The following GRIA1 variants were observed in gnomAD, a reference collection of about 807,000 sequenced individuals.
The protein encoded by GRIA1 is glutamate receptor 1.
Under a neutral mutation model 99.2 loss-of-function variants are expected in GRIA1, and 31 were observed. The observed-to-expected ratio is 0.31, with a 90% CI of 0.23 to 0.42. GRIA1 has a LOEUF of 0.42. GRIA1 is among the 10% of genes least tolerant of loss of function. GRIA1 has a pLI of 1.00. For synonymous variants in GRIA1, 438 were observed against 432.4 expected (o/e 1.01, Z -0.16); for missense variants, 782 against 1,157.5 (o/e 0.68, Z 4.71).
At chr5:153,524,060 G>C (rs1757390855) in intron 2 of GRIA1, among the ~76,000 whole-genome samples, 1 of 152,314 alleles carries the variant, frequency 6.6e-6, no homozygotes, top group African/African-American at 2.4e-5. Context: ...AGGCGCAGTG[G>C]CTCACGCCTG....
chr5:153,588,912 C>T (rs939969323), intron 2 of GRIA1, among the ~76,000 whole-genome samples: 4 of 152,014 alleles, frequency 2.6e-5, no homozygotes, highest in African/African-American at 7.3e-5. Context: ...ATTGCATTTG[C>T]TTCATAACAC....
chr5:153,768,632 C>A (rs560770023), intron 12 of GRIA1, among the ~76,000 whole-genome samples: 58 of 152,204 alleles, frequency 3.8e-4, no homozygotes, highest in African/African-American at 1.4e-3. Flanking sequence ...TCAGCTGACT[C>A]AAATGACAAT....
chr5:153,686,993 A>C (rs1207946608), intron 8 of GRIA1, among the ~76,000 whole-genome samples: 1 of 151,888 alleles, frequency 6.6e-6, no homozygotes, highest in Non-Finnish European at 1.5e-5. Flanking sequence ...GTTCTTTCTC[A>C]TCATTGAGCC....
At chr5:153,793,082 A>G (rs1160092511) in intron 13 of GRIA1, among the ~76,000 whole-genome samples, 1 of 152,236 alleles carries the variant, frequency 6.6e-6, no homozygotes, top group Non-Finnish European at 1.5e-5. Context: ...AGCTGCTGTG[A>G]GTCAAAAGTG....
At chr5:153,529,749 T>C (rs908151781) in intron 2 of GRIA1, among the ~76,000 whole-genome samples, 20 of 152,136 alleles carry the variant, frequency 1.3e-4, no homozygotes, top group African/African-American at 4.8e-4. Context: ...GGTAAATGGA[T>C]ATCCTGAGGC....
At chr5:153,773,267 G>A (rs1764000354) in intron 13 of GRIA1, among the ~76,000 whole-genome samples, 1 of 152,238 alleles carries the variant, frequency 6.6e-6, no homozygotes, top group Non-Finnish European at 1.5e-5. Context: ...TAAGGTAGAA[G>A]CCAGATTTCA....
intron 13 of GRIA1, among the ~76,000 whole-genome samples, chr5:153,789,688 A>G (rs985793429): frequency 1.3e-5 from 2 of 152,186 alleles, no homozygotes; most frequent in East Asian, 1.9e-4. Context: ...TAGGTAAGTT[A>G]GAGCTAACGA....
At chr5:153,613,468 T>C (rs1163787206) in intron 2 of GRIA1, among the ~76,000 whole-genome samples, 1 of 152,198 alleles carries the variant, frequency 6.6e-6, no homozygotes, top group African/African-American at 2.4e-5. Flanking sequence ...ATGTAATAGG[T>C]ACTGGGTCTG....
chr5:153,724,003 G>A (rs1760299223), intron 11 of GRIA1, among the ~76,000 whole-genome samples: 1 of 152,162 alleles, frequency 6.6e-6, no homozygotes, highest in Non-Finnish European at 1.5e-5. Context: ...CCCCAGTAGG[G>A]GCAGGCTGAT....
chr5:153,603,177 G>A (rs1242547266), intron 2 of GRIA1, among the ~76,000 whole-genome samples: 1 of 151,972 alleles, frequency 6.6e-6, no homozygotes, highest in Non-Finnish European at 1.5e-5. Context: ...GCAGTGTTTG[G>A]TTTTTTGTCT....
At position 153,606,530 on chromosome 5, in the gene GRIA1, A is replaced by C. The variant is rs138229940; in HGVS notation, c.221-40398A>C. ...ATATTGAGTCTTCAAATCCCAGAGC[A>C]TAGTATATTGCTTCAATTATTAAGA... On this transcript the variant is annotated intron_variant, in intron 2 of 15. Coordinates refer to ENST00000285900, the MANE Select transcript of GRIA1 (RefSeq NM_000827.4). Among the ~76,000 whole-genome samples, 834 of 152,188 alleles carry C rather than the reference A, an allele frequency of 5.5e-3. 8 individuals are homozygous for C. Among genetic ancestry groups the C allele is most frequent in the African/African-American group, 0.019 (786 of 41,564 alleles).
chr5:153,527,255 C>T (rs1046042749), intron 2 of GRIA1, among the ~76,000 whole-genome samples: 2 of 152,076 alleles, frequency 1.3e-5, no homozygotes, highest in African/African-American at 4.8e-5. Flanking sequence ...ATTAAAATTG[C>T]AAATCTTGAA....
intron 2 of GRIA1, among the ~76,000 whole-genome samples, chr5:153,612,324 G>A (rs1008594809): frequency 1.3e-5 from 2 of 152,194 alleles, no homozygotes; most frequent in African/African-American, 4.8e-5. Flanking sequence ...AGGGAAATTT[G>A]GGAACATGAG....
intron 11 of GRIA1, among the ~76,000 whole-genome samples, chr5:153,713,732 A>G (rs914662356): frequency 4.6e-5 from 7 of 152,202 alleles, no homozygotes; most frequent in Non-Finnish European, 4.4e-5. Flanking sequence ...GGAAGTTTAT[A>G]CTTTGAACAT....
intron 2 of GRIA1, among the ~76,000 whole-genome samples, chr5:153,644,013 G>T (rs948358523): frequency 1.3e-5 from 2 of 152,186 alleles, no homozygotes; most frequent in Non-Finnish European, 2.9e-5. Flanking sequence ...TGGATCATAA[G>T]ATTTATATCC....
intron 11 of GRIA1, among the ~76,000 whole-genome samples, chr5:153,736,729 G>A (rs1004582073): frequency 6.6e-5 from 10 of 152,082 alleles, no homozygotes; most frequent in African/African-American, 1.2e-4. Flanking sequence ...AAATCAGATC[G>A]TACCTTTGGG....
intron 2 of GRIA1, among the ~76,000 whole-genome samples, chr5:153,585,694 A>G (rs1232420213): frequency 1.3e-5 from 2 of 151,942 alleles, no homozygotes; most frequent in African/African-American, 2.4e-5. Flanking sequence ...GCCCCTTTGG[A>G]CCTTTGAATC....
intron 2 of GRIA1, among the ~76,000 whole-genome samples, chr5:153,608,225 T>A (rs978446446): frequency 1.3e-5 from 2 of 152,212 alleles, no homozygotes; most frequent in Non-Finnish European, 2.9e-5. Context: ...TTCTGGTTAG[T>A]TGCGATTCTT....
At chr5:153,708,593 C>T (rs1404327766) in intron 11 of GRIA1, among the ~76,000 whole-genome samples, 1 of 152,172 alleles carries the variant, frequency 6.6e-6, no homozygotes, top group Non-Finnish European at 1.5e-5. Context: ...TAACACAGTA[C>T]CCAGCCTTCA....
Sources: gnomAD v4.1 joint callset for allele counts (sites outside exome capture counted in the v4.1 genomes callset) on GRCh38, gnomAD v4.1.1 for gene constraint, MANE v1.5 for transcripts, NCBI Gene and HGNC (gene_info 2026-07-23, HGNC 2026-07-21) for gene names.